Variants in ZNG1E observed in about 807,000 individuals in gnomAD.
ZNG1E encodes the protein Zn regulated GTPase metalloprotein activator 1E, also known as zinc-regulated GTPase metalloprotein activator 1E.
chr9:65,660,856 A>G, the ZNG1E span, among the ~76,000 whole-genome samples: 595 of 142,132 alleles, frequency 4.2e-3, 1 homozygote, highest in Non-Finnish European at 6.7e-3. Context: ...TATATATATA[A>G]AATAAAAATT....
the ZNG1E span, among the ~76,000 whole-genome samples, chr9:65,681,031 G>A: frequency 2.6e-5 from 4 of 152,168 alleles, no homozygotes; most frequent in East Asian, 1.9e-4. Context: ...CTCGTGATCC[G>A]CCCGCCTTGG....
the ZNG1E span, among the ~76,000 whole-genome samples, chr9:65,684,405 C>A: frequency 6.6e-6 from 1 of 151,754 alleles, no homozygotes; most frequent in Non-Finnish European, 1.5e-5. Flanking sequence ...GGCGTTGTGG[C>A]GCACCCCATA....
chr9:65,687,701 T>G, the ZNG1E span, among the ~76,000 whole-genome samples: 4 of 151,162 alleles, frequency 2.6e-5, no homozygotes, highest in Admixed American at 2.7e-4. Context: ...GGGAACACTT[T>G]CATTAGAACT....
At chr9:65,671,620 G>A in the ZNG1E span, among the ~76,000 whole-genome samples, 1 of 152,250 alleles carries the variant, frequency 6.6e-6, no homozygotes, top group Non-Finnish European at 1.5e-5. Flanking sequence ...GTGTCTGGCT[G>A]AGATTGCTTT....
the ZNG1E span, among the ~76,000 whole-genome samples, chr9:65,680,392 TTAAA>T: frequency 1.3e-5 from 2 of 152,198 alleles, no homozygotes; most frequent in African/African-American, 4.8e-5. Context: ...CATCATCTTA[TTAAA>T]TAACCTATTG....
chr9:65,685,012 A>G, the ZNG1E span, among the ~76,000 whole-genome samples: 1 of 150,676 alleles, frequency 6.6e-6, no homozygotes, highest in Non-Finnish European at 1.5e-5. Flanking sequence ...ACTGCACTCC[A>G]GCCTGGATGA....
the ZNG1E span, among the ~76,000 whole-genome samples, chr9:65,659,631 A>G: frequency 6.6e-6 from 1 of 152,058 alleles, no homozygotes; most frequent in Non-Finnish European, 1.5e-5. Context: ...CAGATAGTAT[A>G]AATAATAGTC....
the ZNG1E span, among the ~76,000 whole-genome samples, chr9:65,685,129 A>G: frequency 1.1e-3 from 174 of 152,282 alleles, no homozygotes; most frequent in Non-Finnish European, 1.9e-3. Flanking sequence ...TAAAAAACAT[A>G]CATACCTTAA....
chr9:65,698,872 T>A, the ZNG1E span, among the ~76,000 whole-genome samples: 487 of 134,688 alleles, frequency 3.6e-3, 10 homozygotes, highest in South Asian at 1.0e-2. Flanking sequence ...TGAAGATTTT[T>A]TATATATATA....
the ZNG1E span, among the ~76,000 whole-genome samples, chr9:65,717,457 C>T: frequency 8.7e-5 from 13 of 148,584 alleles, no homozygotes; most frequent in Admixed American, 4.7e-4. Flanking sequence ...TCCTAACTTT[C>T]CTCTCGATGA....
the ZNG1E span, among the ~76,000 whole-genome samples, chr9:65,684,546 G>GCGCACACA: frequency 7.2e-6 from 1 of 139,486 alleles, no homozygotes; most frequent in African/African-American, 2.8e-5. Flanking sequence ...ACACACACAC[G>GCGCACACA]CACGCACACA....
the ZNG1E span, among the ~76,000 whole-genome samples, chr9:65,685,353 A>G: frequency 1.3e-5 from 2 of 152,238 alleles, no homozygotes; most frequent in Admixed American, 6.5e-5. Flanking sequence ...AGATGTCTCT[A>G]TAGCACATGA....
the ZNG1E span, among the ~76,000 whole-genome samples, chr9:65,691,354 A>G: frequency 1.3e-5 from 2 of 149,590 alleles, no homozygotes; most frequent in East Asian, 3.9e-4. Flanking sequence ...AAGTGCTGGG[A>G]TTACAGGCTG....
At chr9:65,685,779 A>T in the ZNG1E span, among the ~76,000 whole-genome samples, 1 of 152,280 alleles carries the variant, frequency 6.6e-6, no homozygotes, top group Non-Finnish European at 1.5e-5. Context: ...GAATGTTCTT[A>T]ATGGCATCTA....
chr9:65,693,845 C>T, the ZNG1E span, among the ~76,000 whole-genome samples: 2 of 151,826 alleles, frequency 1.3e-5, no homozygotes, highest in African/African-American at 2.4e-5. Context: ...GCATGAGCCA[C>T]CACGCCCGGC....
At chr9:65,685,393 T>C in the ZNG1E span, among the ~76,000 whole-genome samples, 1 of 152,228 alleles carries the variant, frequency 6.6e-6, no homozygotes, top group South Asian at 2.1e-4. Context: ...ACCCACAGTA[T>C]GACTTCTTTC....
At chr9:65,661,659 TC>T in the ZNG1E span, among the ~76,000 whole-genome samples, 4 of 152,250 alleles carry the variant, frequency 2.6e-5, no homozygotes, top group East Asian at 7.7e-4. Context: ...TAATATTTGT[TC>T]AGAGTAAAAA....
the ZNG1E span, among the ~76,000 whole-genome samples, chr9:65,667,923 G>T: frequency 2.9e-5 from 4 of 139,244 alleles, no homozygotes; most frequent in African/African-American, 1.1e-4. Context: ...CTGAACCTTG[G>T]AGGCAGAGGT....
the ZNG1E span, among the ~76,000 whole-genome samples, chr9:65,667,468 T>C: frequency 2.0e-5 from 3 of 152,290 alleles, no homozygotes; most frequent in African/African-American, 7.2e-5. Flanking sequence ...AGTAAACTAG[T>C]TTAATAAGCG....
Sources: gnomAD v4.1 joint callset for allele counts (sites outside exome capture counted in the v4.1 genomes callset) on GRCh38, gnomAD v4.1.1 for gene constraint, MANE v1.5 for transcripts, NCBI Gene and HGNC (gene_info 2026-07-23, HGNC 2026-07-21) for gene names.